SF3B1: variants seen among roughly 807,000 people sequenced by gnomAD.
SF3B1 encodes the protein pre-mRNA processing 10.
Under a neutral mutation model 153.8 loss-of-function variants are expected in SF3B1, and 12 were observed. The ratio of observed to expected loss-of-function variants is 0.08; its 90% confidence interval spans 0.05 to 0.13. The LOEUF is 0.13. Ranked by LOEUF, SF3B1 falls within the 10% of genes least tolerant of loss-of-function variation. The pLI is 1.00. For missense variants in SF3B1, 513 were observed against 1,606.1 expected (o/e 0.32, Z 11.63); for synonymous variants, 498 against 525.2 (o/e 0.95, Z 0.71).
chr2:197,419,770 G>A (rs891595864), intron 4 of SF3B1: 4 of 223,754 alleles, frequency 1.8e-5, no homozygotes, highest in African/African-American at 6.7e-5. Flanking sequence ...GAAAAGTCTA[G>A]TATGTAAACC....
At position 197,418,993 on chromosome 2, in the gene SF3B1, ATATT is replaced by A. The variant is rs200379633; in HGVS notation, c.416-409_416-406del. 2,908 of 1,464,674 alleles carry A rather than the reference ATATT, an allele frequency of 2.0e-3. 45 individuals carry two copies. The African/African-American group carries it at 0.034, about 17-fold the overall frequency. The allele number at this position is 1,464,674 out of a possible 1,614,324, so 90.7% of individuals were successfully genotyped here. A position where few individuals can be genotyped will look rare whatever the true frequency, so the allele number is the denominator to read the frequency against. On this transcript the variant is annotated intron_variant, in intron 4 of 24. Transcript: ENST00000335508. ...TTACCATTAGTAACACTTTGGAAAG[ATATT>A]TATATTCAAAACATTACCTGTTGCA...
chr2:197,401,692 T>C lies in SF3B1; in HGVS notation c.2370+50A>G, dbSNP rs2084938972. On this transcript the variant is annotated intron_variant, in intron 16 of 24. Transcript: ENST00000335508. This position sits in a 1 kb window ranked among gnomAD's most constrained non-coding sequence, Gnocchi z 4.2. ...TTTTAAAAACACTTTAAAATTCTGT[T>C]AGAACCATGAAACATATCCAGTTTA... 1.9e-5 allele frequency: 29 copies of C among 1,559,744 alleles called. No homozygotes were observed. The highest frequency in any genetic ancestry group is 2.3e-5 in the Non-Finnish European group (26 of 1,147,002).
chr2:197,414,288 A>G (rs1252094685), intron 6 of SF3B1, among the ~76,000 whole-genome samples: 4 of 152,266 alleles, frequency 2.6e-5, no homozygotes, highest in Non-Finnish European at 5.9e-5. Context: ...ACAGAAGCAG[A>G]GGACAGATTT....
intron 1 of SF3B1, among the ~76,000 whole-genome samples, chr2:197,430,817 A>C (rs957159193): frequency 6.6e-6 from 1 of 152,042 alleles, no homozygotes; most frequent in Non-Finnish European, 1.5e-5. Flanking sequence ...TGTTTTTCTG[A>C]GACAGAGTCC....
intron 4 of SF3B1, 96 bp downstream of exon 4, chr2:197,420,332 G>C: frequency 1.1e-6 from 1 of 875,584 alleles, no homozygotes; most frequent in Non-Finnish European, 1.9e-6. Context: ...AAAAAGAAAA[G>C]CAAATTCAGA....
intron 5 of SF3B1, among the ~76,000 whole-genome samples, chr2:197,417,647 C>T (rs1305459283): frequency 6.7e-6 from 1 of 150,372 alleles, no homozygotes; most frequent in African/African-American, 2.4e-5. Context: ...ATCCCAGAAA[C>T]TCGGGAGGCT....
Position 197,400,396 on chromosome 2 carries a change from A to G in SF3B1, c.2757T>C (p.Asn919=), listed in dbSNP as rs765782548. 1.9e-6 allele frequency: 3 copies of G among 1,613,682 alleles called. No homozygotes were observed. The highest frequency in any genetic ancestry group is 1.7e-5 in the Admixed American group (1 of 59,950). ...VMLNGFGTVV[N]ALGKRVKPYL... is the part of the protein sequence containing the mutation. ...ATGGTTTGACTCGTTTGCCAAGAGC[A>G]TTAACCACTGTGCCAAAGCCGTTCA... The change falls in exon 19 of 25, where the codon AAT becomes AAC. Residue 919 remains asparagine (N), a synonymous_variant. Transcript: ENST00000335508. This position sits in a 1 kb window ranked among gnomAD's most constrained non-coding sequence, Gnocchi z 5.0.
chr2:197,423,369 CAAAAA>C (rs775495226), intron 2 of SF3B1, among the ~76,000 whole-genome samples: 2 of 68,932 alleles, frequency 2.9e-5, no homozygotes, highest in African/African-American at 5.2e-5. Flanking sequence ...GAGACTGTCT[CAAAAA>C]AAAAAAAAAA....
intron 23 of SF3B1, among the ~76,000 whole-genome samples, chr2:197,394,092 G>A (rs1455689440): frequency 6.6e-6 from 1 of 152,008 alleles, no homozygotes; most frequent in Non-Finnish European, 1.5e-5. Flanking sequence ...GCTGAGGCAG[G>A]AGAATCACTT....
intron 7 of SF3B1, among the ~76,000 whole-genome samples, chr2:197,409,264 T>C (rs190451249): frequency 1.4e-3 from 208 of 152,164 alleles, no homozygotes; most frequent in Non-Finnish European, 2.1e-3. Flanking sequence ...CCGGGCTTGG[T>C]GGCGCATGCC....
chr2:197,428,826 T>C (rs1444413526), intron 1 of SF3B1, among the ~76,000 whole-genome samples: 1 of 151,292 alleles, frequency 6.6e-6, no homozygotes, highest in Non-Finnish European at 1.5e-5. Flanking sequence ...ACCTGGGAGG[T>C]GGAGGTTGCA....
At position 197,392,155 on chromosome 2, in the gene SF3B1, T is replaced by A; in HGVS notation, c.*148A>T. 2.1e-6 allele frequency: 1 copy of A among 465,920 alleles called. No individual in the cohort carries two copies. The highest frequency in any genetic ancestry group is 3.8e-6 in the Non-Finnish European group (1 of 263,382). 28.9% of individuals were successfully genotyped at this position (465,920 alleles called of 1,614,324 possible). On this transcript the variant is annotated 3_prime_UTR_variant, in exon 25 of 25. Transcript: ENST00000335508. ...TTTAACATCAAAAACAAAGACAGGT[T>A]ATTTAAAAATCATGCTACTGGATTT...
rs780463363 is a variant in SF3B1 at position 197,406,080 on chromosome 2, A to AT, written c.1240-609dup. On this transcript the variant is annotated intron_variant, in intron 9 of 24. Transcript: ENST00000335508. ...AATGCAGGCTGAAAATCACAAAGAA[A>AT]TTTTTTTTTTTTTTTTTAAAGCTGG... Among the ~76,000 whole-genome samples, 525 of 139,888 alleles carry AT rather than the reference A, an allele frequency of 3.8e-3. 2 individuals are homozygous for AT. Among genetic ancestry groups the AT allele is most frequent in the East Asian group, 0.017 (82 of 4,884 alleles). The allele number at this position is 139,888 out of a possible 152,430, so 91.8% of individuals were successfully genotyped here.
At chr2:197,403,488 C>A (rs2084956789) in intron 12 of SF3B1, 97 bp downstream of exon 12, 1 of 750,896 alleles carries the variant, frequency 1.3e-6, no homozygotes, top group African/African-American at 1.9e-5. Context: ...TGTACTTGTG[C>A]AAAGGAAAAG....
intron 1 of SF3B1, among the ~76,000 whole-genome samples, chr2:197,433,755 C>T (rs1559283053): frequency 6.6e-6 from 1 of 152,138 alleles, no homozygotes; most frequent in South Asian, 2.1e-4. Context: ...CTACTTGCAC[C>T]CTCTGTTCCT....
At chr2:197,430,506 G>A (rs987224080) in intron 1 of SF3B1, among the ~76,000 whole-genome samples, 1 of 152,228 alleles carries the variant, frequency 6.6e-6, no homozygotes, top group African/African-American at 2.4e-5. Context: ...CCAAACTGAA[G>A]TGCAGTGGCA....
In SF3B1 at chr2:197,401,306, T is replaced by C; in HGVS notation, c.2496+94A>G. On this transcript the variant is annotated intron_variant, in intron 17 of 24. Coordinates refer to ENST00000335508, the MANE Select transcript of SF3B1 (RefSeq NM_012433.4). This position sits in a 1 kb window ranked among gnomAD's most constrained non-coding sequence, Gnocchi z 4.2. The stretch of plus-strand genomic sequence containing the variant: ...CAAGCACATATAAACTGTGAGATAA[T>C]CAAGGCAAAAAATAATATACAACAT... The C allele has an allele frequency of 8.5e-7, 1 of 1,174,780 alleles. No individual in the cohort carries two copies. Among genetic ancestry groups the C allele is most frequent in the Admixed American group, 2.5e-5 (1 of 40,166 alleles). 72.8% of individuals were successfully genotyped at this position (1,174,780 alleles called of 1,614,324 possible).
Position 197,401,644 on chromosome 2 carries a change from A to AAC in SF3B1, c.2370+96_2370+97dup. 1 of 1,473,812 alleles carries AAC rather than the reference A, an allele frequency of 6.8e-7. No homozygotes were observed. The highest frequency in any genetic ancestry group is 1.2e-5 in the South Asian group (1 of 81,432). 91.3% of individuals were successfully genotyped at this position (1,473,812 alleles called of 1,614,324 possible). A position where few individuals can be genotyped will look rare whatever the true frequency, so the allele number is the denominator to read the frequency against. On this transcript the variant is annotated intron_variant, in intron 16 of 24. Transcript: ENST00000335508. The surrounding 1 kb of genome is among the most constrained non-coding windows in gnomAD (Gnocchi z 4.2). ...AAAACAAATCAAACAGTATTCGTGT[A>AAC]ACATACAGTTTTTTTTGTTGATTTT...
intron 6 of SF3B1, among the ~76,000 whole-genome samples, chr2:197,415,401 C>A (rs879903387): frequency 2.6e-5 from 4 of 151,812 alleles, no homozygotes; most frequent in Non-Finnish European, 5.9e-5. Flanking sequence ...TACAGGCACA[C>A]GCCACCATGC....
Sources: allele counts gnomAD v4.1 joint callset (sites outside exome capture counted in the v4.1 genomes callset), GRCh38; gene constraint gnomAD v4.1.1; non-coding constraint Gnocchi (gnomAD v3.1); transcripts MANE v1.5; gene names NCBI Gene and HGNC (gene_info 2026-07-23, HGNC 2026-07-21).